The following TBCD variants were observed in gnomAD, a reference collection of about 807,000 sequenced individuals.
The protein encoded by TBCD is tubulin folding cofactor D.
TBCD carries 105 observed loss-of-function variants against 169.3 expected under a neutral mutation model. That is an observed-to-expected ratio of 0.62 (90% confidence interval 0.53 to 0.73). TBCD has a LOEUF of 0.73. Among genes scored for constraint, TBCD ranks in the 30% least tolerant of loss-of-function variants. The pLI, the probability that TBCD is intolerant of heterozygous loss-of-function variation, is 0.00. For synonymous variants in TBCD, 700 were observed against 643.9 expected (o/e 1.09, Z -1.32); for missense variants, 1,444 against 1,600.1 (o/e 0.90, Z 1.66).
Position 82,756,212 on chromosome 17 carries a change from C to G in TBCD, c.232C>G (p.Leu78Val). ...GCAGCCTCATCTGTTGGACCCGCAC[C>G]TTGGTAAGAATAGAAGCTGCTGATT... Reference protein sequence around the residue: ...QEQPHLLDPHLEWMMNLLLDI... With the variant: ...QEQPHLLDPHVEWMMNLLLDI... The change falls in exon 2 of 39, where the codon CTT becomes GTT. Residue 78 changes from leucine (L) to valine (V), a missense_variant. Leu to Val is a conservative substitution (Grantham distance 32, BLOSUM62 1). Transcript: ENST00000355528. 6.2e-7 allele frequency: 1 copy of G among 1,609,678 alleles called. No homozygotes were observed. Among genetic ancestry groups the G allele is most frequent in the South Asian group, 1.1e-5 (1 of 90,170 alleles).
chr17:82,935,671 A>G (rs2062563122), intron 34 of TBCD, among the ~76,000 whole-genome samples: 1 of 152,258 alleles, frequency 6.6e-6, no homozygotes, highest in Non-Finnish European at 1.5e-5. Flanking sequence ...CAAGGATATT[A>G]GAACGTGTTG....
In TBCD at chr17:82,850,161, T is replaced by TGTTGGCTGTGCTGCTGTTGGCTGTGCTGC. The variant is rs1567887886; in HGVS notation, c.1319-20063_1319-20062insGTTGGCTGTGCTGCTGTTGGCTGTGCTGC. 3.2e-4 allele frequency among the ~76,000 whole-genome samples: 6 copies of TGTTGGCTGTGCTGCTGTTGGCTGTGCTGC among 18,920 alleles called. 1 individual carries two copies. Among genetic ancestry groups the TGTTGGCTGTGCTGCTGTTGGCTGTGCTGC allele is most frequent in the Admixed American group, 1.1e-3 (2 of 1,808 alleles). The allele number at this position is 18,920 out of a possible 152,430, so 12.4% of individuals were successfully genotyped here. On this transcript the variant is annotated intron_variant, in intron 13 of 38. Transcript: ENST00000355528. Reference sequence around the variant, plus strand: ...GGCTGTGCTGTTGTTGGCTGTGCTGTTGTTGCCTGTGCTGCTGTTGGCTGT... The same window carrying TGTTGGCTGTGCTGCTGTTGGCTGTGCTGC: ...GGCTGTGCTGTTGTTGGCTGTGCTGTGTTGGCTGTGCTGCTGTTGGCTGTGCTGCTGTTGCCTGTGCTGCTGTTGGCTGT...
intron 28 of TBCD, 48 bp downstream of exon 28, chr17:82,926,539 A>T (rs1165137141): frequency 6.5e-7 from 1 of 1,528,958 alleles, no homozygotes; most frequent in Non-Finnish European, 9.0e-7. Flanking sequence ...CTGAAAGGCC[A>T]GCAGATGAAC....
At chr17:82,840,424 G>A (rs939047037) in intron 13 of TBCD, 1 of 152,280 alleles carries the variant, frequency 6.6e-6, no homozygotes, top group East Asian at 1.9e-4. Flanking sequence ...ATTCTCAAGC[G>A]CGCATACCCT....
chr17:82,896,303 C>T (rs908383189), intron 17 of TBCD, among the ~76,000 whole-genome samples: 1 of 152,186 alleles, frequency 6.6e-6, no homozygotes, highest in Non-Finnish European at 1.5e-5. Context: ...TGGCGTCTGT[C>T]TCCACTCACC....
rs58346723 is a variant in TBCD, at chr17:82,855,235, C to CTTTTTTTT, written c.1319-14960_1319-14953dup. Among the ~76,000 whole-genome samples the CTTTTTTTT allele has an allele frequency of 3.0e-4, 16 of 54,028 alleles. 2 individuals carry two copies. Among genetic ancestry groups the CTTTTTTTT allele is most frequent in the African/African-American group, 7.8e-4 (12 of 15,332 alleles). The allele number at this position is 54,028 out of a possible 152,430, so 35.4% of individuals were successfully genotyped here. ...CCAGAGGGGCAGGGAAAGGTGTTTG[C>CTTTTTTTT]TTTTTTTTTTTTTTTTTTTTTTTTT... On this transcript the variant is annotated intron_variant, in intron 13 of 38. Coordinates refer to ENST00000355528, the MANE Select transcript of TBCD (RefSeq NM_005993.5).
intron 13 of TBCD, among the ~76,000 whole-genome samples, chr17:82,827,125 T>C (rs915045295): frequency 6.6e-6 from 1 of 152,238 alleles, no homozygotes; most frequent in Non-Finnish European, 1.5e-5. Context: ...TCAAGTCTTA[T>C]TCAAGTAGCT....
intron 6 of TBCD, among the ~76,000 whole-genome samples, chr17:82,779,883 C>G (rs746529159): frequency 1.3e-5 from 2 of 152,162 alleles, no homozygotes; most frequent in African/African-American, 2.4e-5. Context: ...GGCACTCCCC[C>G]ACGTGGACTC....
At chr17:82,904,671 G>A (rs572110316) in intron 19 of TBCD, among the ~76,000 whole-genome samples, 2 of 152,234 alleles carry the variant, frequency 1.3e-5, no homozygotes, top group Non-Finnish European at 2.9e-5. Flanking sequence ...TTATTACAGG[G>A]GCTACACTGG....
chr17:82,910,660 C>T (rs904776012), intron 22 of TBCD, among the ~76,000 whole-genome samples: 3 of 151,964 alleles, frequency 2.0e-5, no homozygotes, highest in Non-Finnish European at 2.9e-5. Context: ...TCACCTCCCA[C>T]GTTCAAGCGA....
intron 13 of TBCD, among the ~76,000 whole-genome samples, chr17:82,823,585 G>C (rs1252063080): frequency 6.8e-6 from 1 of 148,028 alleles, no homozygotes; most frequent in African/African-American, 2.5e-5. Flanking sequence ...TAACACTGGT[G>C]GGGGCAGACG....
intron 33 of TBCD, chr17:82,932,272 C>T (rs1389814063): frequency 3.8e-5 from 14 of 367,112 alleles, no homozygotes; most frequent in African/African-American, 6.3e-5. Context: ...GGTATAGCGT[C>T]GGCACAGGCA....
chr17:82,805,135 C>T (rs958927296), intron 9 of TBCD, among the ~76,000 whole-genome samples: 9 of 152,244 alleles, frequency 5.9e-5, no homozygotes, highest in East Asian at 3.8e-4. Flanking sequence ...CCTTGCTCAG[C>T]GCAGGGCTGG....
chr17:82,846,615 G>A lies in TBCD; in HGVS notation c.1319-23609G>A, dbSNP rs980773280. Among the ~76,000 whole-genome samples, 5 of 152,196 alleles carry A rather than the reference G, an allele frequency of 3.3e-5. No individual in the cohort carries two copies. In the South Asian group the frequency reaches 8.3e-4, roughly 25 times the overall value. ...GGTGGTACACAGGCTTGCTGGCTTG[G>A]GTTAGGGCTCTAGGCCCTGCCTTCG... On this transcript the variant is annotated intron_variant, in intron 13 of 38. Coordinates refer to ENST00000355528, the MANE Select transcript of TBCD (RefSeq NM_005993.5).
At chr17:82,752,493 C>A in intron 1 of TBCD, 116 bp downstream of exon 1, 1 of 850,540 alleles carries the variant, frequency 1.2e-6, no homozygotes, top group Non-Finnish European at 1.5e-6. Context: ...GCGAGGGCTG[C>A]CGGTGCGCGG....
intron 2 of TBCD, among the ~76,000 whole-genome samples, chr17:82,758,507 C>T (rs1272784285): frequency 1.3e-5 from 2 of 149,906 alleles, no homozygotes; most frequent in Non-Finnish European, 3.0e-5. Flanking sequence ...ACCTTGGCCT[C>T]CTAAAGTGCT....
At position 82,832,109 on chromosome 17, in the gene TBCD, C is replaced by G. The variant is rs775394896; in HGVS notation, c.1318+17175C>G. On this transcript the variant is annotated intron_variant, in intron 13 of 38. Coordinates refer to ENST00000355528, the MANE Select transcript of TBCD (RefSeq NM_005993.5). This position sits in a 1 kb window ranked among gnomAD's most constrained non-coding sequence, Gnocchi z 4.9. Reference sequence around the variant, plus strand: ...CTGTGGGTTCCCCGGGCTTGCAGCTCCAGGTTTTCCTTGATGTCTTCCCTG... The same window carrying G: ...CTGTGGGTTCCCCGGGCTTGCAGCTGCAGGTTTTCCTTGATGTCTTCCCTG... 4.3e-6 allele frequency: 7 copies of G among 1,614,086 alleles called. No individual in the cohort carries two copies. The East Asian group carries it at 1.3e-4, about 31-fold the overall frequency.
At position 82,756,234 on chromosome 17, in the gene TBCD, G is replaced by A. The variant is rs1157989620; in HGVS notation, c.235+19G>A. 9 of 1,602,150 alleles carry A rather than the reference G, an allele frequency of 5.6e-6. No homozygotes were observed. The African/African-American group carries it at 1.2e-4, about 21-fold the overall frequency. On this transcript the variant is annotated intron_variant, in intron 2 of 38. Transcript: ENST00000355528. ...CACCTTGGTAAGAATAGAAGCTGCT[G>A]ATTTTGATCATTCAGTTACAGATGA...
intron 17 of TBCD, among the ~76,000 whole-genome samples, chr17:82,898,894 C>T (rs993456142): frequency 5.1e-5 from 6 of 117,116 alleles, no homozygotes; most frequent in African/African-American, 1.6e-4. Context: ...GAGGGGCTGA[C>T]AGTGTGTCCA....
Sources: allele counts gnomAD v4.1 joint callset (sites outside exome capture counted in the v4.1 genomes callset), GRCh38; gene constraint gnomAD v4.1.1; non-coding constraint Gnocchi (gnomAD v3.1); transcripts MANE v1.5; gene names NCBI Gene and HGNC (gene_info 2026-07-23, HGNC 2026-07-21).